SGCG: variants seen among roughly 807,000 people sequenced by gnomAD.
SGCG encodes sarcoglycan gamma.
SGCG carries 26 observed loss-of-function variants against 29.3 expected under a neutral mutation model. The ratio of observed to expected loss-of-function variants is 0.89; its 90% CI spans 0.65 to 1.23. The LOEUF (loss-of-function observed/expected upper bound fraction) is 1.23. SGCG is among the 50% of genes most tolerant of loss of function. The pLI is 0.00. For missense variants in SGCG, 353 were observed against 356.0 expected (o/e 0.99, Z 0.07); for synonymous variants, 145 against 129.7 (o/e 1.12, Z -0.80).
At chr13:23,290,970 G>A (rs959332911) in intron 5 of SGCG, among the ~76,000 whole-genome samples, 2 of 152,136 alleles carry the variant, frequency 1.3e-5, no homozygotes, top group African/African-American at 4.8e-5. Context: ...CTTTTCAACT[G>A]CCTTCATGAC....
At chr13:23,312,188 G>A (rs898589052) in intron 6 of SGCG, among the ~76,000 whole-genome samples, 1 of 152,130 alleles carries the variant, frequency 6.6e-6, no homozygotes, top group Admixed American at 6.5e-5. Context: ...TCCTTTCTAA[G>A]AACCTACCAA....
chr13:23,286,411 G>A (rs994570487), intron 5 of SGCG, among the ~76,000 whole-genome samples: 6 of 152,222 alleles, frequency 3.9e-5, no homozygotes, highest in African/African-American at 1.4e-4. Context: ...CAGCCATGAT[G>A]ATGACATGAT....
chr13:23,321,210 AGT>A (rs1029306367), intron 7 of SGCG, among the ~76,000 whole-genome samples: 12 of 152,166 alleles, frequency 7.9e-5, no homozygotes, highest in Admixed American at 7.9e-4. Context: ...GAAAAATAAG[AGT>A]GTTTTTTTCA....
intron 1 of SGCG, among the ~76,000 whole-genome samples, chr13:23,183,486 G>A (rs571843006): frequency 6.6e-5 from 10 of 152,202 alleles, no homozygotes; most frequent in African/African-American, 2.4e-4. Context: ...CTGCTCAGAA[G>A]GGGTGTGTGC....
In SGCG at chr13:23,207,043, C is replaced by T. The variant is rs139090930; in HGVS notation, c.195+3154C>T. Among the ~76,000 whole-genome samples, 201 of 152,260 alleles carry T rather than the reference C, an allele frequency of 1.3e-3. 1 individual carries two copies. The East Asian group carries it at 0.014, about 11-fold the overall frequency. On this transcript the variant is annotated intron_variant, in intron 2 of 7. Coordinates refer to ENST00000218867, the MANE Select transcript of SGCG (RefSeq NM_000231.3). ...TGAGAAAGAAAAACAACGCTAGAGG[C>T]GTCATGCTTCCTGATTTTGAAATAT...
At chr13:23,318,955 T>C (rs537061227) in intron 6 of SGCG, among the ~76,000 whole-genome samples, 2 of 152,282 alleles carry the variant, frequency 1.3e-5, no homozygotes, top group Admixed American at 6.5e-5. Context: ...TGTTCTTCCT[T>C]CCTTCCACTC....
At chr13:23,262,175 T>C (rs1380779033) in intron 4 of SGCG, among the ~76,000 whole-genome samples, 1 of 152,056 alleles carries the variant, frequency 6.6e-6, no homozygotes, top group East Asian at 1.9e-4. Flanking sequence ...TCACATTGAA[T>C]GTAAGTGGTC....
At chr13:23,269,871 T>C (rs1428699150) in intron 4 of SGCG, among the ~76,000 whole-genome samples, 1 of 101,312 alleles carries the variant, frequency 9.9e-6, no homozygotes, top group Non-Finnish European at 2.6e-5. Context: ...TTTTGTTTTT[T>C]TTGTTTTTTT....
intron 1 of SGCG, among the ~76,000 whole-genome samples, chr13:23,195,418 T>C (rs1877450919): frequency 6.6e-6 from 1 of 152,044 alleles, no homozygotes; most frequent in African/African-American, 2.4e-5. Context: ...TAAGCTAACA[T>C]TTGTAGGCCT....
At chr13:23,200,167 A>C (rs1395288133) in intron 1 of SGCG, among the ~76,000 whole-genome samples, 1 of 152,206 alleles carries the variant, frequency 6.6e-6, no homozygotes, top group Non-Finnish European at 1.5e-5. Context: ...GCATGCCTGT[A>C]ATCCCAGCAC....
At chr13:23,216,919 A>G (rs888333051) in intron 2 of SGCG, among the ~76,000 whole-genome samples, 1 of 152,114 alleles carries the variant, frequency 6.6e-6, no homozygotes, top group African/African-American at 2.4e-5. Flanking sequence ...CACTGTTCAT[A>G]ATATATTGAG....
the SGCG span, among the ~76,000 whole-genome samples, chr13:23,174,911 G>A: frequency 7.4e-6 from 1 of 134,942 alleles, no homozygotes; most frequent in Admixed American, 7.3e-5. Context: ...CCATGTAAAA[G>A]TGCAGGTAAA....
chr13:23,200,772 CAG>C (rs1161338976), intron 1 of SGCG, among the ~76,000 whole-genome samples: 1 of 151,986 alleles, frequency 6.6e-6, no homozygotes, highest in East Asian at 1.9e-4. Context: ...GATCTTTGCA[CAG>C]AGAGTTGAGG....
At chr13:23,293,115 A>T (rs1252077030) in intron 5 of SGCG, among the ~76,000 whole-genome samples, 2 of 152,230 alleles carry the variant, frequency 1.3e-5, no homozygotes, top group Non-Finnish European at 2.9e-5. Flanking sequence ...TGGTTGGTAT[A>T]GCCTAACTTT....
chr13:23,234,836 G>T, intron 3 of SGCG, 124 bp downstream of exon 3: 1 of 690,926 alleles, frequency 1.4e-6, no homozygotes, highest in South Asian at 1.7e-5. Flanking sequence ...TTCATGATAT[G>T]CTCTTTATAA....
At chr13:23,264,284 A>G (rs1398269861) in intron 4 of SGCG, among the ~76,000 whole-genome samples, 1 of 152,120 alleles carries the variant, frequency 6.6e-6, no homozygotes, top group Non-Finnish European at 1.5e-5. Flanking sequence ...CTATACACCA[A>G]CAGCAACCAA....
At chr13:23,204,512 T>C (rs911414307) in intron 2 of SGCG, among the ~76,000 whole-genome samples, 2 of 152,202 alleles carry the variant, frequency 1.3e-5, no homozygotes, top group Non-Finnish European at 2.9e-5. Flanking sequence ...ATAAAAATAT[T>C]GCAGAGAACA....
At chr13:23,211,330 C>T (rs1254304663) in intron 2 of SGCG, among the ~76,000 whole-genome samples, 2 of 152,142 alleles carry the variant, frequency 1.3e-5, no homozygotes, top group Non-Finnish European at 2.9e-5. Flanking sequence ...CACTCTCCTG[C>T]GGTGCAGAGA....
intron 2 of SGCG, among the ~76,000 whole-genome samples, chr13:23,231,655 TA>T (rs1397384009): frequency 6.6e-6 from 1 of 152,222 alleles, no homozygotes; most frequent in Non-Finnish European, 1.5e-5. Context: ...AGTGGCTTAT[TA>T]TGCATACATG....
Sources: gnomAD v4.1 joint callset for allele counts (sites outside exome capture counted in the v4.1 genomes callset) on GRCh38, gnomAD v4.1.1 for gene constraint, MANE v1.5 for transcripts, NCBI Gene and HGNC (gene_info 2026-07-23, HGNC 2026-07-21) for gene names.